The following LATS1 variants were observed in gnomAD, a reference collection of about 807,000 sequenced individuals.
The protein encoded by LATS1 is serine/threonine-protein kinase LATS1.
LATS1 carries 25 observed loss-of-function variants against 106.6 expected under a neutral mutation model. The ratio of observed to expected loss-of-function variants is 0.23; its 90% CI spans 0.17 to 0.33. The LOEUF (loss-of-function observed/expected upper bound fraction) is 0.33. LATS1 is among the 10% of genes least tolerant of loss of function. The pLI is 1.00. For synonymous variants in LATS1, 465 were observed against 455.6 expected, an observed-to-expected ratio of 1.02 and a Z score of -0.26; for missense variants, 1,040 against 1,382.6, an observed-to-expected ratio of 0.75 and a Z score of 3.93.
chr6:149,698,637 G>A lies in LATS1; in HGVS notation c.348+3142C>T, dbSNP rs139605630. 7.7e-3 allele frequency among the ~76,000 whole-genome samples: 1,111 copies of A among 144,062 alleles called. 22 individuals carry two copies. The highest frequency in any genetic ancestry group is 0.028 in the African/African-American group (1,072 of 38,626). 94.5% of individuals were successfully genotyped at this position (144,062 alleles called of 152,430 possible). On this transcript the variant is annotated intron_variant, in intron 2 of 7. Coordinates refer to ENST00000543571, the MANE Select transcript of LATS1 (RefSeq NM_004690.4). ...GTGATCTCGGCCCACTGCAACCTCC[G>A]CCGCCCAGGTTCAAGTGATGATTCT...
rs1780905836 is a variant in LATS1, at chr6:149,662,037, T to C, written c.3085A>G (p.Lys1029Glu). The C allele has an allele frequency of 1.2e-6, 2 of 1,614,192 alleles. No homozygotes were observed. Among genetic ancestry groups the C allele is most frequent in the Non-Finnish European group, 8.5e-7 (1 of 1,180,010 alleles). The change falls in exon 8 of 8, where the codon AAA becomes GAA. Residue 1029 changes from lysine (K) to glutamate (E), a missense_variant. Physicochemically the swap from Lys to Glu is moderately conservative, Grantham distance 56. Transcript: ENST00000543571. ...LRQQSASYIP[K>E]ITHPTDTSNF... is the part of the protein sequence containing the mutation. ...GATGTATCTGTTGGGTGTGTGATTT[T>C]AGGAATGTATGAAGCAGACTGCTGT...
intron 7 of LATS1, among the ~76,000 whole-genome samples, chr6:149,670,219 G>GAAAAC (rs1781376933): frequency 1.9e-5 from 2 of 106,354 alleles, no homozygotes; most frequent in South Asian, 6.5e-4. Flanking sequence ...GAAAAGAAAA[G>GAAAAC]AAAACTTAAT....
Position 149,692,909 on chromosome 6 carries a change from G to A in LATS1, c.496+2165C>T, listed in dbSNP as rs529642377. The stretch of plus-strand genomic sequence containing the variant: ...GGCTGGTCTCTAACTCCCGACCTCA[G>A]GTGATCTGCCCGCCTTGGCCTCCCA... On this transcript the variant is annotated intron_variant, in intron 3 of 7. Transcript: ENST00000543571. 4.0e-4 allele frequency among the ~76,000 whole-genome samples: 60 copies of A among 151,876 alleles called. 1 individual carries two copies. In the South Asian group the frequency reaches 7.9e-3, roughly 20 times the overall value.
At chr6:149,686,571 T>A (rs1782386221) in intron 3 of LATS1, among the ~76,000 whole-genome samples, 1 of 152,214 alleles carries the variant, frequency 6.6e-6, no homozygotes, top group Non-Finnish European at 1.5e-5. Flanking sequence ...AAGCTGGTTT[T>A]CTTCTGCTGA....
intron 2 of LATS1, among the ~76,000 whole-genome samples, chr6:149,695,926 T>C (rs747469907): frequency 1.3e-5 from 2 of 151,894 alleles, no homozygotes; most frequent in East Asian, 3.9e-4. Context: ...TTTTCTGAGA[T>C]GGAGTTTCGC....
Position 149,659,444 on chromosome 6 carries a change from G to A in LATS1, c.*2285C>T, listed in dbSNP as rs771073380. 16 of 219,050 alleles carry A rather than the reference G, an allele frequency of 7.3e-5. No individual in the cohort carries two copies. The highest frequency in any genetic ancestry group is 1.4e-3 in the Middle Eastern group (1 of 710). The allele number at this position is 219,050 out of a possible 1,614,324, so 13.6% of individuals were successfully genotyped here. ...ACTGCCCTCCAGCCTGGGTGACAGA[G>A]TGAGACCCTGTCTCAAAACAAAAAA... On this transcript the variant is annotated 3_prime_UTR_variant, in exon 8 of 8. Coordinates refer to ENST00000543571, the MANE Select transcript of LATS1 (RefSeq NM_004690.4).
At chr6:149,707,317 C>T (rs1044369548) in intron 1 of LATS1, among the ~76,000 whole-genome samples, 1 of 151,884 alleles carries the variant, frequency 6.6e-6, no homozygotes, top group Non-Finnish European at 1.5e-5. Context: ...CCCGGCCGGA[C>T]ATCTCATTCT....
chr6:149,685,337 C>A (rs1327679983), intron 3 of LATS1, among the ~76,000 whole-genome samples: 1 of 151,778 alleles, frequency 6.6e-6, no homozygotes, highest in Non-Finnish European at 1.5e-5. Flanking sequence ...GGCCAAAGGG[C>A]GTATCTATTT....
At chr6:149,673,638 T>C (rs1295970182) in intron 7 of LATS1, among the ~76,000 whole-genome samples, 2 of 151,572 alleles carry the variant, frequency 1.3e-5, no homozygotes, top group Middle Eastern at 3.2e-3. Context: ...TAAAAAATCC[T>C]AAAAGAAGTT....
intron 1 of LATS1, among the ~76,000 whole-genome samples, chr6:149,712,145 A>C (rs192579143): frequency 6.6e-6 from 1 of 152,346 alleles, no homozygotes; most frequent in Admixed American, 6.5e-5. Context: ...TAGCAAAAGA[A>C]TAACATAATA....
Position 149,661,481 on chromosome 6 carries a change from GAACT to G in LATS1, c.*244_*247del, listed in dbSNP as rs1780882046. 1 of 367,596 alleles carries G rather than the reference GAACT, an allele frequency of 2.7e-6. No individual in the cohort carries two copies. The highest frequency in any genetic ancestry group is 4.8e-6 in the Non-Finnish European group (1 of 206,308). 22.8% of individuals were successfully genotyped at this position (367,596 alleles called of 1,614,324 possible). A position where few individuals can be genotyped will look rare whatever the true frequency, so the allele number is the denominator to read the frequency against. On this transcript the variant is annotated 3_prime_UTR_variant, in exon 8 of 8. Transcript: ENST00000543571. ...TTATTTTAAGTACTTTAAGTACCAA[GAACT>G]GACTATAATATTCAGTTCATAATTT...
At chr6:149,675,930 G>C in intron 7 of LATS1, 1 of 258,720 alleles carries the variant, frequency 3.9e-6, no homozygotes. Context: ...AGATTATGGG[G>C]ATATGGCATC....
chr6:149,676,811 C>T, intron 5 of LATS1, 74 bp from the exon 6 acceptor site: 1 of 1,369,408 alleles, frequency 7.3e-7, no homozygotes, highest in Non-Finnish European at 1.0e-6. Flanking sequence ...AATCTTCTGA[C>T]ATCGTGGTTT....
chr6:149,717,956 C>T lies in LATS1; in HGVS notation c.-248G>A. Reference sequence around the variant, plus strand: ...CCCAAGTATCCCTGGTGGGGCAGAGCGGGGAGACGAACGGGGGGGCTGCCG... The same window carrying T: ...CCCAAGTATCCCTGGTGGGGCAGAGTGGGGAGACGAACGGGGGGGCTGCCG... On this transcript the variant is annotated 5_prime_UTR_variant, in exon 1 of 8. Transcript: ENST00000543571. The T allele has an allele frequency of 8.3e-6, 3 of 361,622 alleles. No homozygotes were observed. Among genetic ancestry groups the T allele is most frequent in the Non-Finnish European group, 1.6e-5 (3 of 188,462 alleles). The allele number at this position is 361,622 out of a possible 1,614,324, so 22.4% of individuals were successfully genotyped here.
intron 7 of LATS1, among the ~76,000 whole-genome samples, chr6:149,666,824 C>T (rs1464431764): frequency 6.6e-6 from 1 of 151,122 alleles, no homozygotes. Context: ...CGCCTGTAGT[C>T]CCACCTACTC....
chr6:149,665,525 C>A (rs906581183), intron 7 of LATS1, among the ~76,000 whole-genome samples: 5 of 152,090 alleles, frequency 3.3e-5, no homozygotes, highest in African/African-American at 1.2e-4. Context: ...GGTCAGAGAA[C>A]TAAATAGGGA....
At position 149,709,978 on chromosome 6, in the gene LATS1, C is replaced by T. The variant is rs538118528; in HGVS notation, c.-140-7712G>A. Among the ~76,000 whole-genome samples, 7 of 152,162 alleles carry T rather than the reference C, an allele frequency of 4.6e-5. No homozygotes were observed. In the East Asian group the frequency reaches 1.2e-3, roughly 25 times the overall value. On this transcript the variant is annotated intron_variant, in intron 1 of 7. Coordinates refer to ENST00000543571, the MANE Select transcript of LATS1 (RefSeq NM_004690.4). ...CGTGAGCCACTGTGCCTGCCCACAA[C>T]CCCTTATCTTAACCTAGATACTCCC... is the stretch of plus-strand genomic sequence containing the variant.
At chr6:149,710,043 C>A (rs577164112) in intron 1 of LATS1, among the ~76,000 whole-genome samples, 1 of 152,172 alleles carries the variant, frequency 6.6e-6, no homozygotes, top group East Asian at 1.9e-4. Context: ...ACAACTCTTT[C>A]GACCAACTGC....
chr6:149,659,293 C>A lies in LATS1; in HGVS notation c.*2436G>T, dbSNP rs771973316. On this transcript the variant is annotated 3_prime_UTR_variant, in exon 8 of 8. Coordinates refer to ENST00000543571, the MANE Select transcript of LATS1 (RefSeq NM_004690.4). Reference sequence around the variant, plus strand: ...CACCAACCTGGGCAACATGGCGAAACCCCATCTCTACTAAAGATACAAAAA... The same window carrying A: ...CACCAACCTGGGCAACATGGCGAAAACCCATCTCTACTAAAGATACAAAAA... 2.2e-5 allele frequency: 4 copies of A among 184,090 alleles called. No homozygotes were observed. Among genetic ancestry groups the A allele is most frequent in the Non-Finnish European group, 4.6e-5 (4 of 86,822 alleles). The allele number at this position is 184,090 out of a possible 1,614,324, so 11.4% of individuals were successfully genotyped here.
Sources: allele counts gnomAD v4.1 joint callset (sites outside exome capture counted in the v4.1 genomes callset), GRCh38; gene constraint gnomAD v4.1.1; transcripts MANE v1.5; gene names NCBI Gene and HGNC (gene_info 2026-07-23, HGNC 2026-07-21).